The following ZGRF1 variants were observed in gnomAD, a reference collection of about 807,000 sequenced individuals.
ZGRF1 encodes zinc finger GRF-type containing 1.
Under a neutral mutation model 203.5 loss-of-function variants are expected in ZGRF1, and 196 were observed. That is an observed-to-expected ratio of 0.96 (90% CI 0.86 to 1.08). The LOEUF (loss-of-function observed/expected upper bound fraction) is 1.08. Among genes scored for constraint, ZGRF1 ranks in the 50% least tolerant of loss-of-function variants. The pLI, the probability that ZGRF1 is intolerant of heterozygous loss-of-function variation, is 0.00. For missense variants in ZGRF1, 2,326 were observed against 2,416.3 expected (o/e 0.96, Z 0.78); for synonymous variants, 809 against 841.3 (o/e 0.96, Z 0.66).
Position 112,603,517 on chromosome 4 carries a change from T to C in ZGRF1, c.2976+7A>G, listed in dbSNP as rs569551536. The stretch of plus-strand genomic sequence containing the variant: ...TTGGCAAAATGCAACTATAAAAATA[T>C]TTTTACCTGCAAGAAGTCAATCTGC... On this transcript the variant is annotated splice_region_variant and intron_variant, in intron 10 of 27. Coordinates refer to ENST00000505019, the MANE Select transcript of ZGRF1 (RefSeq NM_018392.5). 3.8e-6 allele frequency: 6 copies of C among 1,590,970 alleles called. No homozygotes were observed. The African/African-American group carries it at 5.4e-5, about 14-fold the overall frequency.
At position 112,618,097 on chromosome 4, in the gene ZGRF1, T is replaced by C; in HGVS notation, c.1945A>G (p.Lys649Glu). ...TCTCCGTATACAGCATCAGTCCACT[T>C]GAAAGATTCAAAATTGCTTAATGTG... ...SDTLSNFESF[K>E]WTDAVYGDNK... Residue 649 changes from lysine to glutamate, a missense_variant, in exon 6 of 28, where the codon AAG (lysine) becomes GAG (glutamate). Transcript: ENST00000505019. 1 of 1,613,946 alleles carries C rather than the reference T, an allele frequency of 6.2e-7. No individual in the cohort carries two copies. Among genetic ancestry groups the C allele is most frequent in the Non-Finnish European group, 8.5e-7 (1 of 1,179,914 alleles).
chr4:112,582,117 C>A (rs1746369363), intron 15 of ZGRF1, among the ~76,000 whole-genome samples: 2 of 152,016 alleles, frequency 1.3e-5, no homozygotes, highest in East Asian at 3.9e-4. Context: ...CATGTGATAT[C>A]CTGATACCTT....
At chr4:112,633,622 T>C (rs372949302) in intron 1 of ZGRF1, among the ~76,000 whole-genome samples, 1 of 152,186 alleles carries the variant, frequency 6.6e-6, no homozygotes, top group East Asian at 1.9e-4. Flanking sequence ...CCCCCTTGTG[T>C]TTTAAATTTT....
Position 112,540,925 on chromosome 4 carries a change from C to T in ZGRF1, c.5806G>A (p.Ala1936Thr). Residue 1936 changes from alanine to threonine, a missense_variant, in exon 26 of 28, where the codon GCA (alanine) becomes ACA (threonine). Ala to Thr is a moderately conservative substitution (Grantham distance 58). Coordinates refer to ENST00000505019, the MANE Select transcript of ZGRF1 (RefSeq NM_018392.5). ...AGCTTGAGTGTAAACGTAGCTTCTG[C>T]CACATTATGAAAGCTGTTATCTCTT... ...IERDNSFHNV[A>T]EATFTLKLIQ... The T allele has an allele frequency of 6.3e-7, 1 of 1,575,888 alleles. No individual in the cohort carries two copies. The highest frequency in any genetic ancestry group is 8.6e-7 in the Non-Finnish European group (1 of 1,158,926).
At chr4:112,601,276 G>A (rs1749928530) in intron 10 of ZGRF1, among the ~76,000 whole-genome samples, 1 of 152,138 alleles carries the variant, frequency 6.6e-6, no homozygotes, top group Non-Finnish European at 1.5e-5. Context: ...GCAGCCGGGA[G>A]TAGTGGCTCA....
intron 19 of ZGRF1, among the ~76,000 whole-genome samples, chr4:112,560,491 C>T (rs1741749077): frequency 6.6e-6 from 1 of 152,188 alleles, no homozygotes; most frequent in South Asian, 2.1e-4. Context: ...CTAGATCAAT[C>T]TGGATACTTT....
intron 16 of ZGRF1, among the ~76,000 whole-genome samples, chr4:112,571,270 G>C (rs1744166780): frequency 6.6e-6 from 1 of 151,942 alleles, no homozygotes; most frequent in Non-Finnish European, 1.5e-5. Context: ...TAGAGAGGAA[G>C]CCAATAACAA....
At chr4:112,588,701 C>T (rs923022817) in intron 11 of ZGRF1, among the ~76,000 whole-genome samples, 3 of 152,080 alleles carry the variant, frequency 2.0e-5, no homozygotes, top group African/African-American at 7.2e-5. Context: ...TCTGACAATA[C>T]TATGGATTCC....
chr4:112,562,429 T>C lies in ZGRF1; in HGVS notation c.4639A>G (p.Asn1547Asp), dbSNP rs1435565865. The change falls in exon 18 of 28, where the codon AAC becomes GAC. Residue 1547 changes from asparagine to aspartate, a missense_variant. Coordinates refer to ENST00000505019, the MANE Select transcript of ZGRF1 (RefSeq NM_018392.5). The part of the protein sequence containing the change: ...NASTELTTLK[N>D]IQDYFNPATL... ...GCTGGATTAAAGTAGTCCTGAATGT[T>C]TTTCAAAGTAGTCAGTTCTGTGCTA... The C allele has an allele frequency of 6.2e-7, 1 of 1,610,752 alleles. No homozygotes were observed. The highest frequency in any genetic ancestry group is 1.3e-5 in the African/African-American group (1 of 74,896).
At chr4:112,607,115 G>C (rs972043590) in intron 8 of ZGRF1, among the ~76,000 whole-genome samples, 1 of 151,868 alleles carries the variant, frequency 6.6e-6, no homozygotes, top group Admixed American at 6.6e-5. Flanking sequence ...CTATATTTTA[G>C]AATTAGAATT....
intron 16 of ZGRF1, among the ~76,000 whole-genome samples, chr4:112,580,248 C>T (rs1451475316): frequency 7.8e-6 from 1 of 128,578 alleles, no homozygotes; most frequent in Non-Finnish European, 1.7e-5. Context: ...AACTGGATCC[C>T]TTCCTTACAC....
chr4:112,606,266 G>T (rs759248943), intron 8 of ZGRF1, among the ~76,000 whole-genome samples, 175 bp from the exon 9 acceptor site: 23 of 152,196 alleles, frequency 1.5e-4, no homozygotes, highest in Non-Finnish European at 2.9e-4. Flanking sequence ...TGGCAAAGGG[G>T]TACTTTAGCA....
chr4:112,629,989 A>C (rs1216277001), intron 3 of ZGRF1: 1 of 252,830 alleles, frequency 4.0e-6, no homozygotes, highest in Non-Finnish European at 8.2e-6. Flanking sequence ...ACTGCACTCC[A>C]GCCTGGGCAA....
chr4:112,561,911 C>CTTTTTTTT (rs11385405), intron 18 of ZGRF1, among the ~76,000 whole-genome samples: 20 of 108,156 alleles, frequency 1.8e-4, no homozygotes, highest in African/African-American at 2.4e-4. Context: ...TTCCTTTTCT[C>CTTTTTTTT]TTTTTTTTTT....
chr4:112,576,862 T>C (rs79752947), intron 16 of ZGRF1, among the ~76,000 whole-genome samples: 1 of 151,962 alleles, frequency 6.6e-6, no homozygotes, highest in Non-Finnish European at 1.5e-5. Context: ...CTGCAGGATA[T>C]TATCCAGGAA....
chr4:112,541,167 T>C lies in ZGRF1; in HGVS notation c.5700A>G (p.Val1900=), dbSNP rs1737508095. The change falls in exon 25 of 28, where the codon GTA becomes GTG. Residue 1900 remains valine (V), a synonymous_variant. Coordinates refer to ENST00000505019, the MANE Select transcript of ZGRF1 (RefSeq NM_018392.5). ...ATAAAGGGCTCCGCTCTATTTCTGTTACACCATTCATGAGGGCTCCTTTGT... is the reference window on the plus strand; with the variant it reads ...ATAAAGGGCTCCGCTCTATTTCTGTCACACCATTCATGAGGGCTCCTTTGT... The part of the protein sequence containing the change: ...LFYKGALMNG[V]TEIERSPLLE... 3 of 1,612,244 alleles carry C rather than the reference T, an allele frequency of 1.9e-6. No individual in the cohort carries two copies. The highest frequency in any genetic ancestry group is 1.7e-5 in the Admixed American group (1 of 59,832).
rs761553634 is a variant in ZGRF1 at position 112,560,989 on chromosome 4, C to T, written c.4704G>A (p.Ser1568=). ...PLTQYLLTTS[S]PTIVSNKRVS... is the part of the protein sequence containing the mutation. ...CTCTTTTGTTACTAACTATAGTTGGCGAAGACCTAATAAAAATGAAGCAAA... is the reference window on the plus strand; with the variant it reads ...CTCTTTTGTTACTAACTATAGTTGGTGAAGACCTAATAAAAATGAAGCAAA... Residue 1568 remains serine, a synonymous_variant, in exon 19 of 28, where the codon TCG becomes TCA. Transcript: ENST00000505019. 22 of 1,604,448 alleles carry T rather than the reference C, an allele frequency of 1.4e-5. No homozygotes were observed. The highest frequency in any genetic ancestry group is 1.6e-5 in the Non-Finnish European group (19 of 1,173,332).
Position 112,542,799 on chromosome 4 carries a change from T to TC in ZGRF1, c.5599-1532_5599-1531insG, listed in dbSNP as rs1737931886. On this transcript the variant is annotated intron_variant, in intron 24 of 27. Transcript: ENST00000505019. ...TTCCTTCCTTCCTTCCTTCTTTCTT[T>TC]TTTCTTTTCTTTTCTTTTTCTTTCT... Among the ~76,000 whole-genome samples, 3 of 151,164 alleles carry TC rather than the reference T, an allele frequency of 2.0e-5. No individual in the cohort carries two copies. The South Asian group carries it at 6.3e-4, about 32-fold the overall frequency.
At position 112,547,349 on chromosome 4, in the gene ZGRF1, T is replaced by G. The variant is rs1275879685; in HGVS notation, c.5534A>C (p.Gln1845Pro). Residue 1845 changes from glutamine (Q) to proline (P), a missense_variant, in exon 24 of 28, where the codon CAG (glutamine) becomes CCG (proline). Gln to Pro is a moderately conservative substitution (Grantham distance 76). Coordinates refer to ENST00000505019, the MANE Select transcript of ZGRF1 (RefSeq NM_018392.5). Reference sequence around the variant, plus strand: ...ATTTTCATGAGCTGCATCAGAACCCTGAATAGTAGGAGGTAGCTGTTTGGG... The same window carrying G: ...ATTTTCATGAGCTGCATCAGAACCCGGAATAGTAGGAGGTAGCTGTTTGGG... ...GDPKQLPPTI[Q>P]GSDAAHENGL... The G allele has an allele frequency of 6.2e-6, 10 of 1,613,438 alleles. No homozygotes were observed. The highest frequency in any genetic ancestry group is 8.5e-6 in the Non-Finnish European group (10 of 1,179,720).
Sources: gnomAD v4.1 joint callset for allele counts (sites outside exome capture counted in the v4.1 genomes callset) on GRCh38, gnomAD v4.1.1 for gene constraint, MANE v1.5 for transcripts, NCBI Gene and HGNC (gene_info 2026-07-23, HGNC 2026-07-21) for gene names.